Variants in PCDHA1 observed in about 807,000 individuals in gnomAD.
The protein encoded by PCDHA1 is protocadherin alpha-1.
A neutral mutation model predicts 61.3 loss-of-function variants in PCDHA1; 42 were observed. That is an observed-to-expected ratio of 0.69 (90% CI 0.54 to 0.89). PCDHA1 has a LOEUF of 0.89. Ranked by LOEUF, PCDHA1 falls within the 40% of genes least tolerant of loss-of-function variation. The pLI, the probability that PCDHA1 is intolerant of heterozygous loss-of-function variation, is 0.00. For missense variants in PCDHA1, 1,256 were observed against 1,235.3 expected, an observed-to-expected ratio of 1.02 and a Z score of -0.25; for synonymous variants, 610 against 553.8, an observed-to-expected ratio of 1.10 and a Z score of -1.43.
intron 3 of PCDHA1, among the ~76,000 whole-genome samples, chr5:141,003,043 C>T (rs2098108698): frequency 6.6e-6 from 1 of 152,198 alleles, no homozygotes; most frequent in Non-Finnish European, 1.5e-5. Flanking sequence ...CCCTCCTGGC[C>T]TTAACAGAAC....
chr5:140,878,450 A>T (rs2057594535), intron 1 of PCDHA1, among the ~76,000 whole-genome samples: 1 of 152,224 alleles, frequency 6.6e-6, no homozygotes, highest in Non-Finnish European at 1.5e-5. Context: ...TCTTATTTAC[A>T]TGAAATATAA....
intron 1 of PCDHA1, chr5:140,853,041 C>G (rs1158374492): frequency 1.9e-5 from 5 of 267,262 alleles, no homozygotes; most frequent in Non-Finnish European, 3.0e-5. Context: ...ACCATGCCCG[C>G]CTAATTTTTT....
intron 1 of PCDHA1, chr5:140,883,678 G>A (rs555791080): frequency 3.7e-6 from 6 of 1,613,902 alleles, no homozygotes; most frequent in South Asian, 3.3e-5. Flanking sequence ...ACAATCCGCC[G>A]GGCTGCCACA....
intron 1 of PCDHA1, among the ~76,000 whole-genome samples, chr5:140,910,650 C>T (rs565503828): frequency 6.6e-6 from 1 of 152,312 alleles, no homozygotes; most frequent in East Asian, 1.9e-4. Flanking sequence ...CCTTTTGATC[C>T]CTTCCTCTAC....
chr5:140,830,377 G>A, intron 1 of PCDHA1: 2 of 1,614,174 alleles, frequency 1.2e-6, no homozygotes, highest in South Asian at 1.1e-5. Flanking sequence ...GCTCCGGGGA[G>A]GGCCCACCCA....
Position 140,883,641 on chromosome 5 carries a change from C to T in PCDHA1, c.2394+94957C>T, listed in dbSNP as rs1427282306. On this transcript the variant is annotated intron_variant, in intron 1 of 3. Coordinates refer to ENST00000504120, the MANE Select transcript of PCDHA1 (RefSeq NM_018900.4). ...GACAACGCGCCGGCGTTCGCGCAGC[C>T]CGAGTACACGGTGTTCGTGAAGGAA... is the stretch of plus-strand genomic sequence containing the variant. 3.7e-6 allele frequency: 6 copies of T among 1,613,840 alleles called. No homozygotes were observed. In the Admixed American group the frequency reaches 6.7e-5, roughly 18 times the overall value.
intron 3 of PCDHA1, among the ~76,000 whole-genome samples, chr5:140,998,686 T>G (rs1245765431): frequency 6.6e-6 from 1 of 152,118 alleles, no homozygotes; most frequent in Non-Finnish European, 1.5e-5. Context: ...TGCCTCAGCC[T>G]CCCAAGTAGC....
chr5:140,978,444 T>G (rs2096802589), intron 1 of PCDHA1, among the ~76,000 whole-genome samples: 1 of 152,248 alleles, frequency 6.6e-6, no homozygotes, highest in Non-Finnish European at 1.5e-5. Context: ...GTGTTATGAC[T>G]GGGCACATCC....
chr5:140,846,704 T>C (rs1263410748), intron 1 of PCDHA1, among the ~76,000 whole-genome samples: 4 of 149,392 alleles, frequency 2.7e-5, no homozygotes, highest in African/African-American at 9.8e-5. Flanking sequence ...TAGAGAAGAT[T>C]GTAATAACCA....
In PCDHA1 at chr5:140,786,386, C is replaced by T; in HGVS notation, c.96C>T (p.His32=). The change falls in exon 1 of 4, where the codon CAC becomes CAT. Residue 32 remains histidine, a synonymous_variant. Coordinates refer to ENST00000504120, the MANE Select transcript of PCDHA1 (RefSeq NM_018900.4). ...GGGAGGTGGGGAGCGGCCAGCTCCA[C>T]TACTCGATCCCGGAGGAAGCCAAAC... ...AAWEVGSGQL[H]YSIPEEAKHG... The T allele has an allele frequency of 1.2e-5, 19 of 1,613,668 alleles. No homozygotes were observed. Among genetic ancestry groups the T allele is most frequent in the Non-Finnish European group, 1.6e-5 (19 of 1,180,036 alleles).
chr5:140,807,334 G>A (rs782485620), intron 1 of PCDHA1: 1 of 1,613,482 alleles, frequency 6.2e-7, no homozygotes, highest in South Asian at 1.1e-5. Context: ...GCCGCATCGC[G>A]CAGGACCTGG....
chr5:140,980,963 A>T (rs1047334103), intron 2 of PCDHA1, among the ~76,000 whole-genome samples: 8 of 152,224 alleles, frequency 5.3e-5, no homozygotes, highest in African/African-American at 1.9e-4. Context: ...TTACACCTTC[A>T]TGAATCTGAC....
chr5:140,815,054 T>G (rs1310495974), intron 1 of PCDHA1: 1 of 152,192 alleles, frequency 6.6e-6, no homozygotes, highest in African/African-American at 2.4e-5. Flanking sequence ...TTAATATCCT[T>G]TAACTTTCAG....
intron 1 of PCDHA1, among the ~76,000 whole-genome samples, chr5:140,935,284 A>G (rs576807866): frequency 6.6e-6 from 1 of 152,340 alleles, no homozygotes; most frequent in South Asian, 2.1e-4. Context: ...AATAAAGTTC[A>G]GCACTCCGAG....
intron 1 of PCDHA1, among the ~76,000 whole-genome samples, chr5:140,975,280 T>G (rs914764307): frequency 5.3e-5 from 8 of 152,252 alleles, no homozygotes; most frequent in Admixed American, 3.9e-4. Context: ...CTCTGACCTC[T>G]AGACCCAGAT....
chr5:140,929,992 C>T (rs1015837723), intron 1 of PCDHA1: 7 of 152,300 alleles, frequency 4.6e-5, no homozygotes, highest in East Asian at 1.9e-4. Flanking sequence ...TTGGGAATGA[C>T]ACCCTAAAAC....
At chr5:140,983,807 G>GT (rs1418454252) in intron 3 of PCDHA1, among the ~76,000 whole-genome samples, 1 of 152,100 alleles carries the variant, frequency 6.6e-6, no homozygotes, top group East Asian at 1.9e-4. Flanking sequence ...TGTGTAAAAG[G>GT]TTTTTTCCCA....
intron 1 of PCDHA1, among the ~76,000 whole-genome samples, chr5:140,951,512 C>T (rs2094592870): frequency 6.6e-6 from 1 of 152,004 alleles, no homozygotes; most frequent in Non-Finnish European, 1.5e-5. Context: ...GAAAGCGGCT[C>T]ATCTTACATG....
At chr5:140,912,494 A>T (rs536513157) in intron 1 of PCDHA1, among the ~76,000 whole-genome samples, 1 of 152,190 alleles carries the variant, frequency 6.6e-6, no homozygotes, top group South Asian at 2.1e-4. Context: ...CAGATCTAGG[A>T]GCTTTTTGGA....
Sources: allele counts gnomAD v4.1 joint callset (sites outside exome capture counted in the v4.1 genomes callset), GRCh38; gene constraint gnomAD v4.1.1; transcripts MANE v1.5; gene names NCBI Gene and HGNC (gene_info 2026-07-23, HGNC 2026-07-21).